Variants in APBB2 observed in about 807,000 individuals in gnomAD.
The protein encoded by APBB2 is Fe65-like 1.
In APBB2, 38 loss-of-function variants were observed where a neutral mutation model predicts 82.5. The observed-to-expected ratio is 0.46, with a 90% CI of 0.36 to 0.60. The LOEUF is 0.60. Among genes scored for constraint, APBB2 ranks in the 20% least tolerant of loss-of-function variants. APBB2 has a pLI of 0.00. For synonymous variants in APBB2, 341 were observed against 368.2 expected, an observed-to-expected ratio of 0.93 and a Z score of 0.85; for missense variants, 772 against 972.3, an observed-to-expected ratio of 0.79 and a Z score of 2.74.
chr4:40,960,649 G>A (rs181899229), intron 6 of APBB2, among the ~76,000 whole-genome samples: 1,807 of 151,990 alleles, frequency 0.012, 26 homozygotes, highest in Non-Finnish European at 0.019. Context: ...GGGTTTCACC[G>A]AGTTAGCTAG....
At position 40,991,093 on chromosome 4, in the gene APBB2, T is replaced by C. The variant is rs145410779; in HGVS notation, c.835+22490A>G. Among the ~76,000 whole-genome samples, 1,393 of 148,936 alleles carry C rather than the reference T, an allele frequency of 9.4e-3. 30 individuals carry two copies. The highest frequency in any genetic ancestry group is 0.032 in the African/African-American group (1,324 of 40,756). On this transcript the variant is annotated intron_variant, in intron 6 of 17. Coordinates refer to ENST00000508593, the MANE Select transcript of APBB2 (RefSeq NM_004307.2). ...GTGCAATCTTGGCTCACTGCAACTT[T>C]CGTCTCAGCCTCCTGAGTAGCTGGA...
At chr4:41,019,685 G>A (rs1298098173) in intron 5 of APBB2, among the ~76,000 whole-genome samples, 1 of 152,206 alleles carries the variant, frequency 6.6e-6, no homozygotes, top group South Asian at 2.1e-4. Flanking sequence ...CAGTAGAAAC[G>A]GTAAAGAAGT....
Position 40,989,640 on chromosome 4 carries a change from A to G in APBB2, c.835+23943T>C, listed in dbSNP as rs542189717. Among the ~76,000 whole-genome samples, 5 of 152,218 alleles carry G rather than the reference A, an allele frequency of 3.3e-5. 1 individual carries two copies. In the South Asian group the frequency reaches 1.0e-3, roughly 32 times the overall value. On this transcript the variant is annotated intron_variant, in intron 6 of 17. Transcript: ENST00000508593. ...TATTTATTCTCTACTGTACTCCAATAAACAATTTATCATGATGTGCAGAGG... is the reference window on the plus strand; with the variant it reads ...TATTTATTCTCTACTGTACTCCAATGAACAATTTATCATGATGTGCAGAGG...
intron 1 of APBB2, among the ~76,000 whole-genome samples, chr4:41,203,209 T>C (rs1415038561): frequency 1.3e-5 from 2 of 151,900 alleles, no homozygotes; most frequent in Non-Finnish European, 2.9e-5. Flanking sequence ...GATACACATA[T>C]ACACACACAC....
At chr4:41,052,369 C>T (rs998192838) in intron 4 of APBB2, among the ~76,000 whole-genome samples, 3 of 152,200 alleles carry the variant, frequency 2.0e-5, no homozygotes, top group African/African-American at 7.2e-5. Context: ...CCTACCTGAT[C>T]CCAAGCAGGG....
Position 41,033,233 on chromosome 4 carries a change from G to T in APBB2, c.19+3C>A. 6.4e-7 allele frequency: 1 copy of T among 1,570,080 alleles called. No homozygotes were observed. The highest frequency in any genetic ancestry group is 1.1e-5 in the South Asian group (1 of 88,772). ...CATTGAAATATGAGAAAATGTATCT[G>T]ACCTGGAAGTACTTCTGACATGGAT... On this transcript the variant is annotated splice_donor_region_variant and intron_variant, in intron 5 of 17. Transcript: ENST00000508593.
chr4:41,096,082 T>C (rs1410197804), intron 3 of APBB2, among the ~76,000 whole-genome samples: 1 of 152,182 alleles, frequency 6.6e-6, no homozygotes, highest in Non-Finnish European at 1.5e-5. Context: ...CTCCCTACTT[T>C]CTGTCTTCTC....
At chr4:41,130,597 A>T (rs1431235499) in intron 2 of APBB2, among the ~76,000 whole-genome samples, 1 of 152,158 alleles carries the variant, frequency 6.6e-6, no homozygotes, top group Non-Finnish European at 1.5e-5. Context: ...AGAGGGCCCC[A>T]GAGGGTGGCC....
chr4:40,935,246 C>T, intron 7 of APBB2, 107 bp from the exon 8 acceptor site: 1 of 822,906 alleles, frequency 1.2e-6, no homozygotes, highest in Non-Finnish European at 1.9e-6. Context: ...TTGATATTCA[C>T]AAGATGGGTT....
intron 12 of APBB2, among the ~76,000 whole-genome samples, chr4:40,839,190 G>A (rs764040559): frequency 2.6e-5 from 4 of 151,796 alleles, no homozygotes; most frequent in Non-Finnish European, 4.4e-5. Context: ...CGATCCTCCC[G>A]TCTCAGCCTC....
chr4:40,948,510 C>T (rs931971483), intron 6 of APBB2, among the ~76,000 whole-genome samples: 43 of 152,200 alleles, frequency 2.8e-4, no homozygotes, highest in African/African-American at 9.9e-4. Flanking sequence ...CCTGTAATCT[C>T]AGCACTTTGG....
intron 2 of APBB2, among the ~76,000 whole-genome samples, chr4:41,134,190 C>T (rs1326235682): frequency 6.6e-6 from 1 of 151,956 alleles, no homozygotes; most frequent in African/African-American, 2.4e-5. Context: ...CTATGTTATC[C>T]AGGCTGGTCT....
chr4:41,103,394 A>G (rs1746102902), intron 2 of APBB2, among the ~76,000 whole-genome samples: 1 of 152,164 alleles, frequency 6.6e-6, no homozygotes, highest in Non-Finnish European at 1.5e-5. Context: ...AATTAAAAAG[A>G]CTCTAAATTT....
chr4:40,887,328 C>A (rs1560797609), intron 12 of APBB2, among the ~76,000 whole-genome samples: 1 of 152,184 alleles, frequency 6.6e-6, no homozygotes, highest in South Asian at 2.1e-4. Flanking sequence ...AAAGATTTTG[C>A]GCCCTTCATG....
At chr4:41,041,635 G>T (rs1721538637) in intron 4 of APBB2, among the ~76,000 whole-genome samples, 1 of 152,134 alleles carries the variant, frequency 6.6e-6, no homozygotes, top group Non-Finnish European at 1.5e-5. Flanking sequence ...GGCAATAAAG[G>T]TCCAAGAACT....
intron 5 of APBB2, among the ~76,000 whole-genome samples, chr4:41,029,108 T>C (rs956857996): frequency 1.3e-5 from 2 of 152,246 alleles, no homozygotes; most frequent in Non-Finnish European, 2.9e-5. Context: ...CATGCTTGAA[T>C]GAAACTTCAC....
intron 6 of APBB2, among the ~76,000 whole-genome samples, chr4:40,994,842 G>C (rs868370086): frequency 6.8e-6 from 1 of 147,608 alleles, no homozygotes; most frequent in African/African-American, 2.5e-5. Context: ...AAAGAAGAAA[G>C]GAAAAAGGAA....
intron 1 of APBB2, among the ~76,000 whole-genome samples, chr4:41,209,861 C>A (rs534214046): frequency 1.3e-5 from 2 of 152,250 alleles, no homozygotes; most frequent in East Asian, 3.9e-4. Context: ...CAGTGACAAA[C>A]CAGACAGGGA....
At position 41,085,124 on chromosome 4, in the gene APBB2, G is replaced by A. The variant is rs925050426; in HGVS notation, c.-149+15515C>T. The stretch of plus-strand genomic sequence containing the variant: ...AAATTAGCTGGGCGTGGTGATGCGC[G>A]CCTGTAGTCCCAGCTACTTGGGAGG... On this transcript the variant is annotated intron_variant, in intron 3 of 17. Coordinates refer to ENST00000508593, the MANE Select transcript of APBB2 (RefSeq NM_004307.2). 8.6e-5 allele frequency among the ~76,000 whole-genome samples: 13 copies of A among 151,986 alleles called. 1 individual carries two copies. Among genetic ancestry groups the A allele is most frequent in the East Asian group, 3.9e-4 (2 of 5,150 alleles).
Sources: gnomAD v4.1 joint callset for allele counts (sites outside exome capture counted in the v4.1 genomes callset) on GRCh38, gnomAD v4.1.1 for gene constraint, MANE v1.5 for transcripts, NCBI Gene and HGNC (gene_info 2026-07-23, HGNC 2026-07-21) for gene names.